The following FYB2 variants were observed in gnomAD, a reference collection of about 807,000 sequenced individuals.
FYB2 encodes the protein FYN-binding protein 2.
A neutral mutation model predicts 94.1 loss-of-function variants in FYB2; 103 were observed. The observed-to-expected ratio is 1.09, with a 90% confidence interval of 0.93 to 1.29. The LOEUF (loss-of-function observed/expected upper bound fraction) is 1.29. FYB2 is among the 50% of genes most tolerant of loss of function. The pLI is 0.00. For synonymous variants in FYB2, 293 were observed against 287.9 expected, an observed-to-expected ratio of 1.02 and a Z score of -0.18; for missense variants, 896 against 841.5, an observed-to-expected ratio of 1.06 and a Z score of -0.80.
intron 17 of FYB2, 38 bp from the exon 18 acceptor site, chr1:56,720,367 AGTT>A (rs759881977): frequency 1.4e-5 from 21 of 1,531,440 alleles, no homozygotes; most frequent in African/African-American, 4.2e-5. Flanking sequence ...ATTCTTGCAT[AGTT>A]GTTATTTTTC....
chr1:56,781,307 G>T (rs1398799448), intron 4 of FYB2, among the ~76,000 whole-genome samples: 1 of 152,190 alleles, frequency 6.6e-6, no homozygotes, highest in Non-Finnish European at 1.5e-5. Flanking sequence ...GATGGGAACA[G>T]CAAATAACCT....
chr1:56,804,226 G>A (rs1192730236), intron 1 of FYB2, among the ~76,000 whole-genome samples: 9 of 152,270 alleles, frequency 5.9e-5, no homozygotes, highest in Middle Eastern at 3.4e-3. Flanking sequence ...CTTGAGGTCA[G>A]GTAGAAATAC....
intron 1 of FYB2, among the ~76,000 whole-genome samples, chr1:56,810,027 A>G (rs12139639): frequency 0.83 from 126,197 of 152,056 alleles, 52,681 homozygotes; most frequent in Admixed American, 0.86. Context: ...GGAGAGAAAG[A>G]AGGAGGAGGA....
chr1:56,757,743 TTTCTTTCTTTC>T, intron 6 of FYB2, among the ~76,000 whole-genome samples: 1 of 129,748 alleles, frequency 7.7e-6, no homozygotes, highest in South Asian at 2.6e-4. Flanking sequence ...TCATTCTTTC[TTTCTTTCTTTC>T]TTTTCATTCT....
At chr1:56,822,192 A>G (rs146931643), upstream of FYB2, among the ~76,000 whole-genome samples, 16 of 152,322 alleles carry the variant, frequency 1.1e-4, no homozygotes, top group African/African-American at 3.8e-4. Flanking sequence ...AGCAGAGGAA[A>G]CTGAGGCACA....
chr1:56,749,438 A>G (rs1020973715), intron 9 of FYB2, among the ~76,000 whole-genome samples: 2 of 151,924 alleles, frequency 1.3e-5, no homozygotes, highest in Middle Eastern at 3.2e-3. Flanking sequence ...CTTTAGATTT[A>G]TCTTTTAGTT....
At chr1:56,782,675 T>C (rs760106965) in intron 4 of FYB2, among the ~76,000 whole-genome samples, 2 of 152,144 alleles carry the variant, frequency 1.3e-5, no homozygotes, top group African/African-American at 2.4e-5. Context: ...TAAAAGCTTA[T>C]GAGCATTTAA....
intron 6 of FYB2, among the ~76,000 whole-genome samples, chr1:56,756,264 T>C (rs1451396059): frequency 3.3e-5 from 5 of 152,166 alleles, no homozygotes; most frequent in Admixed American, 2.0e-4. Flanking sequence ...TTGTGGGATT[T>C]AAGCAATATT....
chr1:56,792,238 T>C lies in FYB2; in HGVS notation c.575A>G (p.Gln192Arg). Residue 192 changes from glutamine (Q) to arginine (R), a missense_variant, in exon 2 of 20, where the codon CAG (glutamine) becomes CGG (arginine). Gln to Arg is a conservative substitution (Grantham distance 43). Transcript: ENST00000343433. ...CACGTGCTTCTGGGAAGGAAGAGTCTGGGCTCCTTTTGTTTCCAGCTTTTT... is the reference window on the plus strand; with the variant it reads ...CACGTGCTTCTGGGAAGGAAGAGTCCGGGCTCCTTTTGTTTCCAGCTTTTT... Reference protein sequence around the residue: ...PRKKLETKGAQTLPSQKHVVA... With the variant: ...PRKKLETKGARTLPSQKHVVA... 1 of 1,612,862 alleles carries C rather than the reference T, an allele frequency of 6.2e-7. No homozygotes were observed. The highest frequency in any genetic ancestry group is 8.5e-7 in the Non-Finnish European group (1 of 1,179,714).
chr1:56,766,574 C>G (rs528549658), intron 5 of FYB2, among the ~76,000 whole-genome samples: 29 of 152,188 alleles, frequency 1.9e-4, no homozygotes, highest in African/African-American at 6.5e-4. Context: ...GCTGGGACCA[C>G]AGTCTCCCAC....
At chr1:56,762,263 T>C (rs1272532846) in intron 5 of FYB2, among the ~76,000 whole-genome samples, 1 of 152,212 alleles carries the variant, frequency 6.6e-6, no homozygotes, top group Non-Finnish European at 1.5e-5. Context: ...CAGAAGATCC[T>C]ACTGGGATTT....
At chr1:56,771,013 C>T (rs61765521) in intron 4 of FYB2, among the ~76,000 whole-genome samples, 3,855 of 152,216 alleles carry the variant, frequency 0.025, 61 homozygotes, top group African/African-American at 0.036. Flanking sequence ...GAAATCTTTA[C>T]ACTGCTTTGA....
intron 1 of FYB2, among the ~76,000 whole-genome samples, chr1:56,811,661 T>G (rs1299649272): frequency 1.3e-5 from 2 of 152,194 alleles, no homozygotes; most frequent in African/African-American, 4.8e-5. Flanking sequence ...CAGGCATGAG[T>G]GGCAAAGACC....
chr1:56,737,747 C>A (rs1382379763), intron 14 of FYB2: 1 of 152,070 alleles, frequency 6.6e-6, no homozygotes, highest in Admixed American at 6.6e-5. Context: ...CACCACTGAA[C>A]AAGTTTGAGA....
Position 56,744,025 on chromosome 1 carries a change from C to G in FYB2, c.1543+1G>C, listed in dbSNP as rs1410091870. 1 of 1,612,112 alleles carries G rather than the reference C, an allele frequency of 6.2e-7. No homozygotes were observed. The highest frequency in any genetic ancestry group is 1.7e-4 in the Middle Eastern group (1 of 6,044). ...CTTCAGAAATGTCTTCCTATACTTA[C>G]CACTACTTGAGGCAAGTGAGCTAGA... On this transcript the variant is annotated splice_donor_variant, in intron 11 of 19. Transcript: ENST00000343433. LOFTEE classifies it high-confidence loss of function.
chr1:56,813,834 G>A (rs1646821361), intron 1 of FYB2, among the ~76,000 whole-genome samples: 1 of 152,172 alleles, frequency 6.6e-6, no homozygotes, highest in African/African-American at 2.4e-5. Context: ...TTATAAATGA[G>A]ATAACTGGGA....
At chr1:56,774,869 T>C (rs552395611) in intron 4 of FYB2, among the ~76,000 whole-genome samples, 27 of 152,228 alleles carry the variant, frequency 1.8e-4, no homozygotes, top group African/African-American at 6.5e-4. Context: ...CTGGCCTCTA[T>C]CTTTCTCCCA....
chr1:56,793,522 C>A (rs551305121), intron 1 of FYB2, among the ~76,000 whole-genome samples: 5 of 152,010 alleles, frequency 3.3e-5, no homozygotes, highest in African/African-American at 1.2e-4. Flanking sequence ...AGGAGCTAAA[C>A]ACTGAGTACA....
chr1:56,726,039 C>G (rs772128194), intron 16 of FYB2, among the ~76,000 whole-genome samples: 5 of 152,010 alleles, frequency 3.3e-5, no homozygotes, highest in Non-Finnish European at 5.9e-5. Flanking sequence ...AAAACATTTT[C>G]TTGTAAAATT....
Sources: allele counts gnomAD v4.1 joint callset (sites outside exome capture counted in the v4.1 genomes callset), GRCh38; gene constraint gnomAD v4.1.1; transcripts MANE v1.5; gene names NCBI Gene and HGNC (gene_info 2026-07-23, HGNC 2026-07-21).